The following ZBTB7C variants were observed in gnomAD, a reference collection of about 807,000 sequenced individuals.
The protein encoded by ZBTB7C is zinc finger and BTB domain containing 7C.
Under a neutral mutation model 25.7 loss-of-function variants are expected in ZBTB7C, and 8 were observed. The ratio of observed to expected loss-of-function variants is 0.31; its 90% CI spans 0.18 to 0.56. The LOEUF is 0.56. ZBTB7C is among the 20% of genes least tolerant of loss of function. The probability of loss-of-function intolerance (pLI) is 0.91; values close to 1 mark genes in which losing one functional copy is unlikely to be tolerated. For missense variants in ZBTB7C, 824 were observed against 855.2 expected, an observed-to-expected ratio of 0.96 and a Z score of 0.46; for synonymous variants, 394 against 369.0, an observed-to-expected ratio of 1.07 and a Z score of -0.78.
intron 3 of ZBTB7C, among the ~76,000 whole-genome samples, chr18:48,167,714 G>T (rs2041315554): frequency 6.6e-6 from 1 of 152,168 alleles, no homozygotes; most frequent in African/African-American, 2.4e-5. Flanking sequence ...GCCCAAACAG[G>T]ATTAATAGTC....
At chr18:48,045,768 G>A (rs1250776395) in intron 3 of ZBTB7C, among the ~76,000 whole-genome samples, 1 of 152,138 alleles carries the variant, frequency 6.6e-6, no homozygotes. Flanking sequence ...AATGATTGGT[G>A]TCTCTGCTAG....
At chr18:48,231,626 T>C (rs1046287263) in intron 2 of ZBTB7C, among the ~76,000 whole-genome samples, 1 of 152,206 alleles carries the variant, frequency 6.6e-6, no homozygotes, top group East Asian at 1.9e-4. Flanking sequence ...TCATTCTTCC[T>C]GGATGCAGGA....
At chr18:48,071,215 C>T (rs2144397709) in intron 3 of ZBTB7C, among the ~76,000 whole-genome samples, 1 of 152,262 alleles carries the variant, frequency 6.6e-6, no homozygotes, top group African/African-American at 2.4e-5. Context: ...ATTGTGATTA[C>T]CCAGGGGTCC....
At chr18:48,274,118 C>T (rs572826280) in intron 2 of ZBTB7C, among the ~76,000 whole-genome samples, 7 of 152,122 alleles carry the variant, frequency 4.6e-5, no homozygotes, top group African/African-American at 9.7e-5. Flanking sequence ...ATGCTTTTTG[C>T]TCTAGTTACA....
At chr18:48,146,701 T>TA (rs1225857290) in intron 3 of ZBTB7C, among the ~76,000 whole-genome samples, 1 of 152,216 alleles carries the variant, frequency 6.6e-6, no homozygotes, top group Non-Finnish European at 1.5e-5. Context: ...AAGGAGATAT[T>TA]AAAAAAATTA....
intron 3 of ZBTB7C, among the ~76,000 whole-genome samples, chr18:48,168,184 C>T (rs529231683): frequency 3.3e-5 from 5 of 152,310 alleles, no homozygotes; most frequent in South Asian, 2.1e-4. Context: ...GGTGAGGCCC[C>T]GGCTGATTAA....
upstream of ZBTB7C, among the ~76,000 whole-genome samples, chr18:48,412,401 A>G: frequency 6.6e-6 from 1 of 152,210 alleles, no homozygotes; most frequent in East Asian, 1.9e-4. Flanking sequence ...AACTGTATGC[A>G]ATATATTTTG....
chr18:48,130,787 G>A (rs1296746888), intron 3 of ZBTB7C, among the ~76,000 whole-genome samples: 7 of 152,214 alleles, frequency 4.6e-5, no homozygotes, highest in Non-Finnish European at 1.0e-4. Flanking sequence ...GCAAAGAGAG[G>A]TTAAAAAGTG....
intron 3 of ZBTB7C, among the ~76,000 whole-genome samples, chr18:48,158,350 G>A (rs996300189): frequency 4.6e-5 from 7 of 152,258 alleles, no homozygotes; most frequent in African/African-American, 2.4e-5. Context: ...ACCATGGGTC[G>A]GAATGATGCT....
At chr18:48,243,766 T>G (rs568270958) in intron 2 of ZBTB7C, among the ~76,000 whole-genome samples, 2 of 152,300 alleles carry the variant, frequency 1.3e-5, no homozygotes, top group South Asian at 4.2e-4. Context: ...ATTACCCAAC[T>G]TCAAACTGTA....
rs999566766 is a variant in ZBTB7C, at chr18:48,225,348, G to A, written c.-78-39353C>T. On this transcript the variant is annotated intron_variant, in intron 2 of 4. Transcript: ENST00000590800. ...AAGGGGAAGGAGAGGGAGAGAGAAT[G>A]TAAAGAAAGAGGAAAGGGAGAGGAA... Among the ~76,000 whole-genome samples, 24 of 152,056 alleles carry A rather than the reference G, an allele frequency of 1.6e-4. No homozygotes were observed. The East Asian group carries it at 4.6e-3, about 29-fold the overall frequency.
At position 48,131,631 on chromosome 18, in the gene ZBTB7C, GC is replaced by G. The variant is rs2039988639; in HGVS notation, c.-17+54302del. 2.0e-5 allele frequency among the ~76,000 whole-genome samples: 3 copies of G among 152,100 alleles called. 1 individual carries two copies. The South Asian group carries it at 6.2e-4, about 32-fold the overall frequency. On this transcript the variant is annotated intron_variant, in intron 3 of 4. Coordinates refer to ENST00000590800, the MANE Select transcript of ZBTB7C (RefSeq NM_001318841.2). ...ATTTCACTGTGGAGCTGAAATATCA[GC>G]ATGAAATAGAGTACTCAGCCATACA...
chr18:48,330,231 G>A (rs1414439041), intron 2 of ZBTB7C, among the ~76,000 whole-genome samples: 1 of 152,226 alleles, frequency 6.6e-6, no homozygotes, highest in Non-Finnish European at 1.5e-5. Flanking sequence ...ATGGCCCAGA[G>A]CAGGGCACCT....
At chr18:48,311,013 T>C (rs546188860) in intron 2 of ZBTB7C, among the ~76,000 whole-genome samples, 1 of 152,306 alleles carries the variant, frequency 6.6e-6, no homozygotes, top group Non-Finnish European at 1.5e-5. Context: ...TGCTCACCAT[T>C]CCCAGATTTA....
chr18:48,315,052 C>A (rs964877698), intron 2 of ZBTB7C, among the ~76,000 whole-genome samples: 4 of 152,176 alleles, frequency 2.6e-5, no homozygotes, highest in Non-Finnish European at 4.4e-5. Context: ...GCTGTCAAAG[C>A]CTACCCCAAT....
At chr18:48,401,347 C>T (rs981658519) in intron 1 of ZBTB7C, among the ~76,000 whole-genome samples, 3 of 152,092 alleles carry the variant, frequency 2.0e-5, no homozygotes, top group Non-Finnish European at 4.4e-5. Context: ...CACTCTTTGT[C>T]GAGAGCTATT....
At chr18:48,135,715 T>C (rs879494690) in intron 3 of ZBTB7C, among the ~76,000 whole-genome samples, 4 of 152,202 alleles carry the variant, frequency 2.6e-5, no homozygotes, top group Admixed American at 2.6e-4. Flanking sequence ...AACTTGAACC[T>C]GGCAGAGCCT....
chr18:48,091,076 GTT>G (rs780518929), intron 3 of ZBTB7C, among the ~76,000 whole-genome samples: 2 of 144,108 alleles, frequency 1.4e-5, no homozygotes, highest in Non-Finnish European at 3.1e-5. Context: ...TGGTGTTTCT[GTT>G]TTTTTTTTTT....
intron 3 of ZBTB7C, among the ~76,000 whole-genome samples, chr18:48,156,299 A>T (rs969374929): frequency 4.6e-5 from 7 of 152,216 alleles, no homozygotes; most frequent in Non-Finnish European, 1.0e-4. Flanking sequence ...GCTGGCAGCC[A>T]AGAGGAGGGT....
Sources: gnomAD v4.1 joint callset for allele counts (sites outside exome capture counted in the v4.1 genomes callset) on GRCh38, gnomAD v4.1.1 for gene constraint, MANE v1.5 for transcripts, NCBI Gene and HGNC (gene_info 2026-07-23, HGNC 2026-07-21) for gene names.